The following CSMD3 variants were observed in gnomAD, a reference collection of about 807,000 sequenced individuals.
CSMD3 encodes CUB and sushi domain-containing protein 3.
Under a neutral mutation model 435.2 loss-of-function variants are expected in CSMD3, and 177 were observed. That is an observed-to-expected ratio of 0.41 (90% CI 0.36 to 0.46). The LOEUF (loss-of-function observed/expected upper bound fraction) is 0.46. Ranked by LOEUF, CSMD3 falls within the 20% of genes least tolerant of loss-of-function variation. The pLI, the probability that CSMD3 is intolerant of heterozygous loss-of-function variation, is 0.34. For missense variants in CSMD3, 4,265 were observed against 4,504.6 expected, an observed-to-expected ratio of 0.95 and a Z score of 1.52; for synonymous variants, 1,656 against 1,520.5, an observed-to-expected ratio of 1.09 and a Z score of -2.07.
intron 2 of CSMD3, among the ~76,000 whole-genome samples, chr8:113,301,641 T>C (rs939755246): frequency 2.0e-5 from 3 of 151,984 alleles, no homozygotes; most frequent in Non-Finnish European, 4.4e-5. Flanking sequence ...TTGTGATTTT[T>C]TTCTCTAAAA....
chr8:112,408,471 C>T (rs1832051636), intron 33 of CSMD3, 58 bp from the exon 34 acceptor site: 3 of 1,013,986 alleles, frequency 3.0e-6, no homozygotes, highest in Admixed American at 3.4e-5. Flanking sequence ...GTAAACCTAA[C>T]AAATTATATT....
intron 16 of CSMD3, among the ~76,000 whole-genome samples, chr8:112,669,412 A>G (rs1266079649): frequency 1.3e-5 from 2 of 152,182 alleles, no homozygotes; most frequent in Non-Finnish European, 2.9e-5. Flanking sequence ...AAAAAAACAA[A>G]AAGTTATCCA....
chr8:113,398,123 C>A (rs1309511499), intron 1 of CSMD3, among the ~76,000 whole-genome samples: 1 of 152,262 alleles, frequency 6.6e-6, no homozygotes, highest in East Asian at 1.9e-4. Flanking sequence ...AAACTCTCCC[C>A]ATCCCCAAGA....
intron 4 of CSMD3, among the ~76,000 whole-genome samples, chr8:113,120,228 T>G (rs569201711): frequency 6.6e-6 from 1 of 152,064 alleles, no homozygotes; most frequent in African/African-American, 2.4e-5. Context: ...TACAGAAAGC[T>G]CCTGTGAAAT....
At chr8:113,143,905 T>A (rs1001280489) in intron 4 of CSMD3, among the ~76,000 whole-genome samples, 2 of 151,332 alleles carry the variant, frequency 1.3e-5, no homozygotes, top group African/African-American at 4.8e-5. Context: ...GGATGGGATA[T>A]TGTACTATAT....
At chr8:112,720,123 C>G (rs931994039) in intron 13 of CSMD3, among the ~76,000 whole-genome samples, 1 of 152,074 alleles carries the variant, frequency 6.6e-6, no homozygotes, top group African/African-American at 2.4e-5. Flanking sequence ...ATGCTAAGCT[C>G]AACTTCTTGA....
chr8:112,334,299 A>C (rs967081789), intron 45 of CSMD3, among the ~76,000 whole-genome samples: 1 of 152,188 alleles, frequency 6.6e-6, no homozygotes, highest in African/African-American at 2.4e-5. Flanking sequence ...TAAATTTCTG[A>C]CTAGATCCCA....
At chr8:112,503,018 G>A (rs1822130455) in intron 30 of CSMD3, among the ~76,000 whole-genome samples, 2 of 152,068 alleles carry the variant, frequency 1.3e-5, no homozygotes, top group Non-Finnish European at 2.9e-5. Context: ...TTAAACACTA[G>A]CAGAAGTATT....
chr8:112,970,371 G>T (rs575688829), intron 7 of CSMD3, among the ~76,000 whole-genome samples: 2 of 140,130 alleles, frequency 1.4e-5, no homozygotes, highest in Non-Finnish European at 3.0e-5. Context: ...ACTCCAGCTT[G>T]GGTGACAGAG....
intron 59 of CSMD3, among the ~76,000 whole-genome samples, chr8:112,278,010 C>A (rs1818247375): frequency 6.6e-6 from 1 of 152,172 alleles, no homozygotes; most frequent in Admixed American, 6.5e-5. Flanking sequence ...TCCCTTCTCT[C>A]AAACCATTTC....
Position 113,156,482 on chromosome 8 carries a change from A to G in CSMD3, c.709+17240T>C, listed in dbSNP as rs368466420. On this transcript the variant is annotated intron_variant, in intron 4 of 70. Transcript: ENST00000297405. ...GTTGCTTTATATATCTGTATCCCCAATGCCTAGCATACTAAAAAAAAATTA... is the reference window on the plus strand; with the variant it reads ...GTTGCTTTATATATCTGTATCCCCAGTGCCTAGCATACTAAAAAAAAATTA... 5.5e-4 allele frequency among the ~76,000 whole-genome samples: 83 copies of G among 152,036 alleles called. No homozygotes were observed. The South Asian group carries it at 0.016, about 28-fold the overall frequency.
chr8:113,170,640 C>T (rs1007591996), intron 4 of CSMD3, among the ~76,000 whole-genome samples: 2 of 152,122 alleles, frequency 1.3e-5, no homozygotes, highest in African/African-American at 4.8e-5. Context: ...TCATACATTA[C>T]TGCAATTACT....
At chr8:112,687,156 G>A (rs1180436991) in intron 14 of CSMD3, among the ~76,000 whole-genome samples, 1 of 151,864 alleles carries the variant, frequency 6.6e-6, no homozygotes, top group East Asian at 1.9e-4. Flanking sequence ...TTATTTTGAC[G>A]TTATTGAAAA....
chr8:112,823,602 T>C (rs1249640137), intron 12 of CSMD3, among the ~76,000 whole-genome samples: 1 of 152,198 alleles, frequency 6.6e-6, no homozygotes, highest in Non-Finnish European at 1.5e-5. Flanking sequence ...CAGGAGCAGG[T>C]TGTTCAGTTT....
In CSMD3 at chr8:112,333,228, C is replaced by T. The variant is rs535146892; in HGVS notation, c.7165+2101G>A. On this transcript the variant is annotated intron_variant, in intron 45 of 70. Coordinates refer to ENST00000297405, the MANE Select transcript of CSMD3 (RefSeq NM_198123.2). ...TGTTGCCCACGCTGGAGTGCAATGG[C>T]GCCATCTCGGCTCACTGCAACCTCT... 1.2e-4 allele frequency among the ~76,000 whole-genome samples: 18 copies of T among 152,274 alleles called. No individual in the cohort carries two copies. In the South Asian group the frequency reaches 1.2e-3, roughly 11 times the overall value.
At chr8:112,753,833 T>TC (rs2077629084) in intron 13 of CSMD3, among the ~76,000 whole-genome samples, 1 of 152,218 alleles carries the variant, frequency 6.6e-6, no homozygotes, top group Non-Finnish European at 1.5e-5. Flanking sequence ...AGTTCTAACT[T>TC]CCTATCCCAA....
intron 22 of CSMD3, among the ~76,000 whole-genome samples, chr8:112,609,141 GCAGTGA>G (rs1833031631): frequency 7.5e-6 from 1 of 132,456 alleles, no homozygotes; most frequent in Non-Finnish European, 1.5e-5. Flanking sequence ...GGCGGAGGTT[GCAGTGA>G]GCCAAAGACG....
At chr8:113,248,606 T>C (rs2093303852) in intron 3 of CSMD3, among the ~76,000 whole-genome samples, 1 of 149,990 alleles carries the variant, frequency 6.7e-6, no homozygotes, top group Non-Finnish European at 1.5e-5. Context: ...TATTTATTTA[T>C]TTATTGACAA....
chr8:112,755,156 C>T (rs1467730669), intron 13 of CSMD3, among the ~76,000 whole-genome samples: 1 of 151,778 alleles, frequency 6.6e-6, no homozygotes, highest in African/African-American at 2.4e-5. Flanking sequence ...ACGGTGAAAC[C>T]CTGTCTCTAC....
Sources: gnomAD v4.1 joint callset for allele counts (sites outside exome capture counted in the v4.1 genomes callset) on GRCh38, gnomAD v4.1.1 for gene constraint, MANE v1.5 for transcripts, NCBI Gene and HGNC (gene_info 2026-07-23, HGNC 2026-07-21) for gene names.